PTPRD: variants seen among roughly 807,000 people sequenced by gnomAD.
The protein encoded by PTPRD is receptor-type tyrosine-protein phosphatase delta.
PTPRD carries 34 observed loss-of-function variants against 214.5 expected under a neutral mutation model. The observed-to-expected ratio is 0.16, with a 90% CI of 0.12 to 0.21. The LOEUF is 0.21. PTPRD is among the 10% of genes least tolerant of loss of function. The probability of loss-of-function intolerance (pLI) is 1.00; values close to 1 mark genes in which losing one functional copy is unlikely to be tolerated. For missense variants in PTPRD, 2,545 were observed against 2,398.7 expected, an observed-to-expected ratio of 1.06 and a Z score of -1.27; for synonymous variants, 1,128 against 845.7, an observed-to-expected ratio of 1.33 and a Z score of -5.79.
intron 4 of PTPRD, among the ~76,000 whole-genome samples, chr9:9,982,585 A>C (rs2154068034): frequency 6.6e-6 from 1 of 151,314 alleles, no homozygotes; most frequent in African/African-American, 2.4e-5. Context: ...TCCTGAGGTA[A>C]GTTTCTTTCT....
intron 12 of PTPRD, among the ~76,000 whole-genome samples, chr9:8,687,236 T>A (rs1380886559): frequency 6.6e-6 from 1 of 152,174 alleles, no homozygotes; most frequent in African/African-American, 2.4e-5. Flanking sequence ...AAAACAAGCT[T>A]ATCCTACATT....
intron 44 of PTPRD, among the ~76,000 whole-genome samples, chr9:8,323,395 A>T (rs546156552): frequency 2.0e-5 from 3 of 152,332 alleles, no homozygotes; most frequent in African/African-American, 7.2e-5. Context: ...ATAGATAGAT[A>T]GTGATTTCTC....
chr9:9,991,088 C>A (rs1309133485), intron 4 of PTPRD, among the ~76,000 whole-genome samples: 1 of 151,768 alleles, frequency 6.6e-6, no homozygotes, highest in Admixed American at 6.6e-5. Context: ...GCACCCACCA[C>A]CACACTCGGC....
chr9:8,578,550 T>G (rs1048179374), intron 14 of PTPRD, among the ~76,000 whole-genome samples: 2 of 152,312 alleles, frequency 1.3e-5, no homozygotes, highest in Admixed American at 1.3e-4. Flanking sequence ...ATGCTCTACC[T>G]ATATGTTAAG....
chr9:9,032,755 A>G (rs2099609761), intron 10 of PTPRD, among the ~76,000 whole-genome samples: 1 of 152,110 alleles, frequency 6.6e-6, no homozygotes, highest in Non-Finnish European at 1.5e-5. Context: ...TTCCTTGGCT[A>G]AATTGCTTAA....
intron 8 of PTPRD, among the ~76,000 whole-genome samples, chr9:9,443,175 C>A (rs1334576683): frequency 6.6e-6 from 1 of 152,054 alleles, no homozygotes; most frequent in Non-Finnish European, 1.5e-5. Context: ...TAAAAAAAAT[C>A]TTCAACTGTT....
chr9:9,750,496 A>G (rs996463917), intron 6 of PTPRD, among the ~76,000 whole-genome samples: 5 of 152,266 alleles, frequency 3.3e-5, no homozygotes, highest in African/African-American at 1.2e-4. Flanking sequence ...CCAGTTCTGC[A>G]CCAAGACTTC....
chr9:8,349,661 A>G (rs2133099955), intron 39 of PTPRD, among the ~76,000 whole-genome samples: 1 of 152,326 alleles, frequency 6.6e-6, no homozygotes, highest in Admixed American at 6.5e-5. Flanking sequence ...TTTTCTAAAT[A>G]TCTTTTTAAA....
chr9:9,459,476 C>T (rs533682618), intron 8 of PTPRD, among the ~76,000 whole-genome samples: 1 of 152,016 alleles, frequency 6.6e-6, no homozygotes, highest in Non-Finnish European at 1.5e-5. Context: ...CCAAAAGACT[C>T]CTAGATCTGA....
intron 42 of PTPRD, among the ~76,000 whole-genome samples, chr9:8,339,835 C>A (rs1224755767): frequency 3.8e-4 from 56 of 147,500 alleles, no homozygotes; most frequent in Non-Finnish European, 3.7e-4. Flanking sequence ...ATGTGTATTT[C>A]AAAAAAAAAC....
At chr9:9,599,585 T>G (rs2093608857) in intron 7 of PTPRD, among the ~76,000 whole-genome samples, 1 of 152,088 alleles carries the variant, frequency 6.6e-6, no homozygotes, top group Non-Finnish European at 1.5e-5. Context: ...TTTTCATATA[T>G]TTATCTTTAT....
At chr9:8,454,508 C>G in intron 33 of PTPRD, 2 of 1,557,712 alleles carry the variant, frequency 1.3e-6, no homozygotes, top group Non-Finnish European at 8.8e-7. Context: ...CTCCCCTCTT[C>G]AACAACTCTG....
intron 7 of PTPRD, among the ~76,000 whole-genome samples, chr9:9,576,411 G>A (rs2088819130): frequency 1.3e-5 from 2 of 152,106 alleles, no homozygotes; most frequent in Non-Finnish European, 2.9e-5. Context: ...GGGCTCATTT[G>A]TACAGTATCA....
At position 8,486,360 on chromosome 9, in the gene PTPRD, T is replaced by G; in HGVS notation, c.2468-11A>C. 1 of 1,609,904 alleles carries G rather than the reference T, an allele frequency of 6.2e-7. No individual in the cohort carries two copies. The highest frequency in any genetic ancestry group is 8.5e-7 in the Non-Finnish European group (1 of 1,176,262). ...GAGGTTTCCCTGGAACTGGAGCACA[T>G]GGGATGGAGTGGTAAGACCAACCAA... On this transcript the variant is annotated splice_polypyrimidine_tract_variant and intron_variant, in intron 27 of 45. Coordinates refer to ENST00000381196, the MANE Select transcript of PTPRD (RefSeq NM_002839.4).
chr9:8,717,063 G>A (rs1338614066), intron 12 of PTPRD, among the ~76,000 whole-genome samples: 1 of 152,154 alleles, frequency 6.6e-6, no homozygotes, highest in Non-Finnish European at 1.5e-5. Context: ...AGCTACTGGG[G>A]AGGCTGATGT....
intron 9 of PTPRD, among the ~76,000 whole-genome samples, chr9:9,333,504 T>TTTTATA (rs544075539): frequency 1.5e-4 from 21 of 137,242 alleles, no homozygotes; most frequent in African/African-American, 6.1e-4. Context: ...ATATAGTATA[T>TTTTATA]TATATATATA....
chr9:9,454,201 C>T (rs912269026), intron 8 of PTPRD, among the ~76,000 whole-genome samples: 1 of 151,614 alleles, frequency 6.6e-6, no homozygotes, highest in Non-Finnish European at 1.5e-5. Flanking sequence ...GATGAGCTAA[C>T]AAAGGTTTAA....
At chr9:8,670,921 G>A (rs2097271158) in intron 12 of PTPRD, among the ~76,000 whole-genome samples, 2 of 152,208 alleles carry the variant, frequency 1.3e-5, no homozygotes, top group Non-Finnish European at 2.9e-5. Context: ...GAGGAAGACA[G>A]ATTGAAGGGA....
intron 2 of PTPRD, among the ~76,000 whole-genome samples, chr9:10,530,952 C>CGT (rs199540394): frequency 6.6e-6 from 1 of 150,794 alleles, no homozygotes; most frequent in Non-Finnish European, 1.5e-5. Flanking sequence ...AATCAGTAGA[C>CGT]AATTTTTTTT....
Sources: gnomAD v4.1 joint callset for allele counts (sites outside exome capture counted in the v4.1 genomes callset) on GRCh38, gnomAD v4.1.1 for gene constraint, MANE v1.5 for transcripts, NCBI Gene and HGNC (gene_info 2026-07-23, HGNC 2026-07-21) for gene names.